The following DNAH2 variants were observed in gnomAD, a reference collection of about 807,000 sequenced individuals.
The protein encoded by DNAH2 is axonemal beta dynein heavy chain 2.
A neutral mutation model predicts 523.5 loss-of-function variants in DNAH2; 323 were observed. The observed-to-expected ratio is 0.62, with a 90% confidence interval of 0.56 to 0.68. The LOEUF (loss-of-function observed/expected upper bound fraction) is 0.68, where lower values mean the gene tolerates loss of function less well. Ranked by LOEUF, DNAH2 falls within the 30% of genes least tolerant of loss-of-function variation. The pLI, the probability that DNAH2 is intolerant of heterozygous loss-of-function variation, is 0.00. For missense variants in DNAH2, 4,907 were observed against 5,701.5 expected (o/e 0.86, Z 4.49); for synonymous variants, 2,093 against 2,177.4 (o/e 0.96, Z 1.08).
At chr17:7,826,399 G>A (rs1182163932) in intron 77 of DNAH2, among the ~76,000 whole-genome samples, 1 of 152,116 alleles carries the variant, frequency 6.6e-6, no homozygotes, top group East Asian at 1.9e-4. Flanking sequence ...TATAGTCCTG[G>A]AGTATATTCC....
chr17:7,830,026 C>CAAAA (rs546222498), intron 77 of DNAH2, among the ~76,000 whole-genome samples: 2 of 55,248 alleles, frequency 3.6e-5, no homozygotes, highest in African/African-American at 1.2e-4. Flanking sequence ...AACTCCGTCT[C>CAAAA]AAAAAAAAAA....
intron 11 of DNAH2, among the ~76,000 whole-genome samples, chr17:7,741,282 C>CTT (rs1355740230): frequency 8.4e-5 from 5 of 59,304 alleles, no homozygotes; most frequent in Non-Finnish European, 1.5e-4. Context: ...TTCTTTCTTT[C>CTT]TTTCTTTCTT....
At chr17:7,721,317 G>A (rs2074598514) in intron 2 of DNAH2, among the ~76,000 whole-genome samples, 1 of 152,142 alleles carries the variant, frequency 6.6e-6, no homozygotes, top group African/African-American at 2.4e-5. Context: ...GGGATTACAG[G>A]CGTGTGCCAC....
chr17:7,814,198 A>C (rs1268756470), intron 63 of DNAH2, among the ~76,000 whole-genome samples: 2 of 151,590 alleles, frequency 1.3e-5, no homozygotes, highest in African/African-American at 4.8e-5. Context: ...AAAAAAAAAA[A>C]AAAAAACAGA....
chr17:7,823,420 C>A (rs2077921141), intron 73 of DNAH2, 22 bp from the exon 74 acceptor site: 1 of 1,610,818 alleles, frequency 6.2e-7, no homozygotes, highest in South Asian at 1.1e-5. Context: ...CAATCCCTTT[C>A]TTCCTCCCCT....
chr17:7,733,926 C>A (rs994010645), intron 5 of DNAH2, among the ~76,000 whole-genome samples: 1 of 152,110 alleles, frequency 6.6e-6, no homozygotes, highest in Non-Finnish European at 1.5e-5. Context: ...TCACATGTCT[C>A]GTGGTAGAGA....
chr17:7,752,932 C>T lies in DNAH2; in HGVS notation c.1905-4159C>T, dbSNP rs148848103. 7.7e-4 allele frequency among the ~76,000 whole-genome samples: 117 copies of T among 152,218 alleles called. 1 individual carries two copies. The highest frequency in any genetic ancestry group is 2.7e-3 in the African/African-American group (113 of 41,524). The stretch of plus-strand genomic sequence containing the variant: ...CAATTTCTGGCCTCTCTTGAAAAAT[C>T]AGAAAATGCATCCACACTGGGCCCA... On this transcript the variant is annotated intron_variant, in intron 12 of 85. Coordinates refer to ENST00000572933, the MANE Select transcript of DNAH2 (RefSeq NM_020877.5).
chr17:7,794,154 C>G, intron 48 of DNAH2, 100 bp from the exon 49 acceptor site: 2 of 765,790 alleles, frequency 2.6e-6, no homozygotes, highest in Non-Finnish European at 4.1e-6. Flanking sequence ...TGTCCCTCCT[C>G]GCACTGTTTT....
intron 63 of DNAH2, among the ~76,000 whole-genome samples, 197 bp from the exon 64 acceptor site, chr17:7,816,374 C>T (rs190653303): frequency 2.6e-5 from 4 of 152,146 alleles, no homozygotes; most frequent in Admixed American, 6.5e-5. Flanking sequence ...CCTCATCTCA[C>T]GTATTTTATC....
In DNAH2 at chr17:7,792,396, A is replaced by G. The variant is rs566492421; in HGVS notation, c.7145+53A>G. The stretch of plus-strand genomic sequence containing the variant: ...GGCATGGGGCAGCGGTAGGTGGGGG[A>G]TGTGGCAAGAGAGATGGGGCCTAGA... On this transcript the variant is annotated intron_variant, in intron 46 of 85. Coordinates refer to ENST00000572933, the MANE Select transcript of DNAH2 (RefSeq NM_020877.5). 141 of 1,574,082 alleles carry G rather than the reference A, an allele frequency of 9.0e-5. 1 individual carries two copies. The African/African-American group carries it at 1.2e-3, about 13-fold the overall frequency.
rs201842307 is a variant in DNAH2, at chr17:7,824,550, C to G, written c.11676C>G (p.Phe3892Leu). 6.4e-7 allele frequency: 1 copy of G among 1,564,836 alleles called. No individual in the cohort carries two copies. The highest frequency in any genetic ancestry group is 2.4e-5 in the East Asian group (1 of 42,528). ...ATCTCCTTGCAGGACACTGGGTGTT[C>G]CTGGCAAACTGCCACCTGTCACTGT... The part of the protein sequence containing the change: ...REGVTQGHWV[F>L]LANCHLSLSW... The change falls in exon 77 of 86, where the codon TTC becomes TTG. Residue 3892 changes from phenylalanine (F) to leucine (L), a missense_variant. Transcript: ENST00000572933.
In DNAH2 at chr17:7,764,291, T is replaced by C. The variant is rs2076091207; in HGVS notation, c.3336+18T>C. The C allele has an allele frequency of 1.3e-6, 2 of 1,581,990 alleles. No homozygotes were observed. Among genetic ancestry groups the C allele is most frequent in the Admixed American group, 3.4e-5 (2 of 58,036 alleles). ...AGGACAGTGTGAGTTCCTTTGGTGT[T>C]TGGTTTACCTGGGACCCGTATCAGC... On this transcript the variant is annotated intron_variant, in intron 20 of 85. Transcript: ENST00000572933.
intron 64 of DNAH2, 92 bp from the exon 65 acceptor site, chr17:7,817,198 C>T: frequency 6.7e-7 from 1 of 1,486,950 alleles, no homozygotes; most frequent in Non-Finnish European, 8.9e-7. Flanking sequence ...TTGAACCTGA[C>T]AGTGTCCAGA....
At chr17:7,758,714 T>C in intron 14 of DNAH2, 63 bp downstream of exon 14, 1 of 1,574,692 alleles carries the variant, frequency 6.4e-7, no homozygotes, top group Non-Finnish European at 8.6e-7. Context: ...TACCTGAGTG[T>C]TGCATAGAGA....
chr17:7,748,180 C>G (rs1195981725), intron 12 of DNAH2, among the ~76,000 whole-genome samples: 1 of 152,200 alleles, frequency 6.6e-6, no homozygotes, highest in Non-Finnish European at 1.5e-5. Flanking sequence ...GACAGAACAG[C>G]TTCACAGATT....
chr17:7,776,028 G>A lies in DNAH2; in HGVS notation c.4826G>A (p.Trp1609Ter), dbSNP rs1567679209. 6.2e-7 allele frequency: 1 copy of A among 1,613,722 alleles called. No individual in the cohort carries two copies. The highest frequency in any genetic ancestry group is 1.3e-5 in the African/African-American group (1 of 74,916). ...SVFLEGPVES[W>*]LGDVEQTMRV... ...TATTCTCCCACCTCCCCCCAGTCCT[G>A]GCTTGGCGATGTGGAACAGACCATG... The change falls in exon 31 of 86, where the codon TGG becomes TAG. Residue 1609 changes from tryptophan (W) to a stop codon, truncating the protein, a stop_gained. Coordinates refer to ENST00000572933, the MANE Select transcript of DNAH2 (RefSeq NM_020877.5). LOFTEE classifies it high-confidence loss of function.
Position 7,727,110 on chromosome 17 carries a change from CT to C in DNAH2, c.229-11del. ...GTTGTAGTTACTTTGGCCCTCTGCTCTCCTTCTGTAGAAGCCCCTCTTCCTT... is the reference window on the plus strand; with the variant it reads ...GTTGTAGTTACTTTGGCCCTCTGCTCCCTTCTGTAGAAGCCCCTCTTCCTT... On this transcript the variant is annotated splice_polypyrimidine_tract_variant and intron_variant, in intron 3 of 85. Coordinates refer to ENST00000572933, the MANE Select transcript of DNAH2 (RefSeq NM_020877.5). 6.5e-7 allele frequency: 1 copy of C among 1,537,392 alleles called. No homozygotes were observed. Among genetic ancestry groups the C allele is most frequent in the South Asian group, 1.3e-5 (1 of 77,316 alleles).
At position 7,792,708 on chromosome 17, in the gene DNAH2, C is replaced by T; in HGVS notation, c.7197C>T (p.Asn2399=). Reference sequence around the variant, plus strand: ...CCACCGTCGACACTGTTCGCTACAACTACCTGGTGAGCAGCTTGGTGGCCA... The same window carrying T: ...CCACCGTCGACACTGTTCGCTACAATTACCTGGTGAGCAGCTTGGTGGCCA... ...MVPTVDTVRY[N]YLVSSLVANQ... is the part of the protein sequence containing the mutation. Residue 2399 remains asparagine (N), a synonymous_variant, in exon 47 of 86, where the codon AAC becomes AAT. Coordinates refer to ENST00000572933, the MANE Select transcript of DNAH2 (RefSeq NM_020877.5). The T allele has an allele frequency of 1.9e-6, 3 of 1,614,200 alleles. No homozygotes were observed. Among genetic ancestry groups the T allele is most frequent in the Non-Finnish European group, 2.5e-6 (3 of 1,180,028 alleles).
At chr17:7,722,567 C>T (rs1452883929) in intron 2 of DNAH2, among the ~76,000 whole-genome samples, 4 of 152,120 alleles carry the variant, frequency 2.6e-5, no homozygotes, top group Non-Finnish European at 5.9e-5. Flanking sequence ...TCCCCCTTCC[C>T]CCGCAGATCC....
Sources: allele counts gnomAD v4.1 joint callset (sites outside exome capture counted in the v4.1 genomes callset), GRCh38; gene constraint gnomAD v4.1.1; transcripts MANE v1.5; gene names NCBI Gene and HGNC (gene_info 2026-07-23, HGNC 2026-07-21).